The following ZNF320 variants were observed in gnomAD, a reference collection of about 807,000 sequenced individuals.
The protein encoded by ZNF320 is zinc finger protein 320.
A neutral mutation model predicts 6.8 loss-of-function variants in ZNF320; 2 were observed. That is an observed-to-expected ratio of 0.29 (90% CI 0.12 to 0.93). The LOEUF (loss-of-function observed/expected upper bound fraction) is 0.93. Among genes scored for constraint, ZNF320 ranks in the 40% least tolerant of loss-of-function variants. The pLI, the probability that ZNF320 is intolerant of heterozygous loss-of-function variation, is 0.55. For synonymous variants in ZNF320, 208 were observed against 203.2 expected, an observed-to-expected ratio of 1.02 and a Z score of -0.20; for missense variants, 472 against 611.0, an observed-to-expected ratio of 0.77 and a Z score of 2.40.
chr19:52,860,324 C>G (rs1429006427), downstream of ZNF320, among the ~76,000 whole-genome samples: 1 of 151,980 alleles, frequency 6.6e-6, no homozygotes, highest in Non-Finnish European at 1.5e-5. Context: ...CTTAGGCGGT[C>G]CCGGTGGCTC....
intron 4 of ZNF320, among the ~76,000 whole-genome samples, chr19:52,888,623 C>CCG (rs2064183283): frequency 1.5e-5 from 2 of 131,650 alleles, no homozygotes; most frequent in Non-Finnish European, 3.2e-5. Context: ...AAGCAAGACT[C>CCG]TCTCTCAAAA....
downstream of ZNF320, chr19:52,874,236 A>G: frequency 5.4e-6 from 1 of 184,144 alleles, no homozygotes; most frequent in Non-Finnish European, 1.1e-5. Context: ...GAAGACCTAC[A>G]AGGGTAATTT....
At chr19:52,872,769 G>A (rs1173992484), downstream of ZNF320, among the ~76,000 whole-genome samples, 1 of 152,086 alleles carries the variant, frequency 6.6e-6, no homozygotes, top group African/African-American at 2.4e-5. Context: ...CCAAATTGCT[G>A]GGATTACAGG....
At chr19:52,867,122 C>CA (rs1436128230) in intron 5 of ZNF320, among the ~76,000 whole-genome samples, 6 of 151,928 alleles carry the variant, frequency 3.9e-5, no homozygotes, top group African/African-American at 1.5e-4. Flanking sequence ...AAGATGCAGG[C>CA]TCCCTGGTCT....
At chr19:52,869,801 C>G (rs1307491400) in intron 5 of ZNF320, among the ~76,000 whole-genome samples, 1 of 151,818 alleles carries the variant, frequency 6.6e-6, no homozygotes, top group African/African-American at 2.4e-5. Flanking sequence ...CTGCAACTTC[C>G]GTCTAATGGT....
At chr19:52,862,076 C>A in exon 6 of ZNF320, 2 of 371,696 alleles carry the variant, frequency 5.4e-6, no homozygotes, top group South Asian at 4.3e-5. Context: ...AAAACTTTGC[C>A]ACATTTATTA....
chr19:52,892,546 T>C (rs150692387), intron 2 of ZNF320, among the ~76,000 whole-genome samples: 2 of 152,062 alleles, frequency 1.3e-5, no homozygotes, highest in East Asian at 3.9e-4. Context: ...AGGTCAGGAG[T>C]TCGAGACCAA....
chr19:52,898,427 G>C (rs57936844), upstream of ZNF320, among the ~76,000 whole-genome samples: 2,427 of 152,262 alleles, frequency 0.016, 67 homozygotes, highest in African/African-American at 0.054. Flanking sequence ...CCAGGCCAGC[G>C]TGGGCGACAA....
chr19:52,874,289 A>G (rs1294026126), downstream of ZNF320: 2 of 177,232 alleles, frequency 1.1e-5, no homozygotes, highest in African/African-American at 4.8e-5. Context: ...AAAAGTCCAC[A>G]CACACGCTGC....
exon 6 of ZNF320, chr19:52,862,443 A>G (rs569677329): frequency 5.4e-5 from 22 of 406,654 alleles, no homozygotes; most frequent in African/African-American, 3.9e-4. Context: ...GTATGAGTTC[A>G]CTGATGAACT....
chr19:52,881,348 G>C lies in ZNF320; in HGVS notation c.778C>G (p.Leu260Val), dbSNP rs1206482730. Residue 260 changes from leucine to valine, a missense_variant, in exon 6 of 6, where the codon CTT becomes GTT. Leu to Val is a conservative substitution (Grantham distance 32). This residue lies in a region of ZNF320 where 462 missense variants were observed against 559.7 expected (regional missense o/e 0.83). Transcript: ENST00000682928. Reference protein sequence around the residue: ...CGKTFSQTSHLVYHHRLHTGE... With the variant: ...CGKTFSQTSHVVYHHRLHTGE... ...GTATGCAGTCTATGATGGTACACAAGGTGTGATGTCTGACTAAAGGTCTTG... is the reference window on the plus strand; with the variant it reads ...GTATGCAGTCTATGATGGTACACAACGTGTGATGTCTGACTAAAGGTCTTG... 1 of 1,614,006 alleles carries C rather than the reference G, an allele frequency of 6.2e-7. No individual in the cohort carries two copies.
rs753066965 is a variant in ZNF320, at chr19:52,877,061, C to G, written c.*3535G>C. On this transcript the variant is annotated 3_prime_UTR_variant, in exon 6 of 6. Transcript: ENST00000682928. Reference sequence around the variant, plus strand: ...GATTGAAGCTTCAGTGAGGGCTGATCCTGTCACCGCTCTCATGCCTGGCCA... The same window carrying G: ...GATTGAAGCTTCAGTGAGGGCTGATGCTGTCACCGCTCTCATGCCTGGCCA... 7 of 152,190 alleles carry G rather than the reference C, an allele frequency of 4.6e-5. No individual in the cohort carries two copies. The highest frequency in any genetic ancestry group is 8.8e-5 in the Non-Finnish European group (6 of 68,116). 9.4% of individuals were successfully genotyped at this position (152,190 alleles called of 1,614,324 possible). A position where few individuals can be genotyped will look rare whatever the true frequency, so the allele number is the denominator to read the frequency against.
intron 1 of ZNF320, among the ~76,000 whole-genome samples, chr19:52,894,563 T>A (rs959960541): frequency 2.0e-5 from 3 of 151,964 alleles, no homozygotes; most frequent in South Asian, 4.2e-4. Flanking sequence ...TGTGAACACA[T>A]AGCTATAGGT....
intron 5 of ZNF320, chr19:52,864,243 G>A (rs146351493): frequency 3.6e-4 from 58 of 163,218 alleles, no homozygotes; most frequent in Middle Eastern, 2.5e-3. Flanking sequence ...ATTAAGTATC[G>A]ATTGGGCCAA....
chr19:52,883,100 G>C (rs1005777671), intron 5 of ZNF320, among the ~76,000 whole-genome samples: 22 of 152,020 alleles, frequency 1.4e-4, no homozygotes, highest in African/African-American at 5.3e-4. Context: ...GGAGTGCAAT[G>C]GCATAATCTT....
At chr19:52,899,793 G>C (rs576319601), upstream of ZNF320, among the ~76,000 whole-genome samples, 1 of 152,132 alleles carries the variant, frequency 6.6e-6, no homozygotes, top group South Asian at 2.1e-4. Flanking sequence ...GTCTCTTGCC[G>C]GGCAAGAACA....
intron 5 of ZNF320, among the ~76,000 whole-genome samples, chr19:52,886,869 A>T (rs2064095470): frequency 6.6e-6 from 1 of 152,046 alleles, no homozygotes; most frequent in South Asian, 2.1e-4. Context: ...TGAAAGGCAG[A>T]GGCTGCAGTT....
upstream of ZNF320, among the ~76,000 whole-genome samples, chr19:52,898,246 C>G (rs2064531214): frequency 3.3e-5 from 5 of 152,174 alleles, no homozygotes; most frequent in Admixed American, 3.3e-4. Flanking sequence ...GTGCTCAGCT[C>G]CAGAGACTTC....
chr19:52,903,184 C>T, the ZNF320 span, among the ~76,000 whole-genome samples: 11 of 152,268 alleles, frequency 7.2e-5, no homozygotes, highest in South Asian at 2.3e-3. Flanking sequence ...TTGGACTAGA[C>T]TGTCTAAGGC....
Sources: gnomAD v4.1 joint callset for allele counts (sites outside exome capture counted in the v4.1 genomes callset) on GRCh38, gnomAD v4.1.1 for gene constraint, gnomAD v4.1.1 regional missense constraint, MANE v1.5 for transcripts, NCBI Gene and HGNC (gene_info 2026-07-23, HGNC 2026-07-21) for gene names.